Variants in ARID5B observed in about 807,000 individuals in gnomAD.
The protein encoded by ARID5B is AT-rich interaction domain 5B.
A neutral mutation model predicts 97.2 loss-of-function variants in ARID5B; 13 were observed. The ratio of observed to expected loss-of-function variants is 0.13; its 90% CI spans 0.09 to 0.21. ARID5B has a LOEUF of 0.21. Ranked by LOEUF, ARID5B falls within the 10% of genes least tolerant of loss-of-function variation. The pLI is 1.00. For missense variants in ARID5B, 1,210 were observed against 1,465.3 expected, an observed-to-expected ratio of 0.83 and a Z score of 2.84; for synonymous variants, 556 against 570.3, an observed-to-expected ratio of 0.97 and a Z score of 0.36.
chr10:61,915,394 A>G (rs1843883275), intron 2 of ARID5B, among the ~76,000 whole-genome samples: 1 of 152,186 alleles, frequency 6.6e-6, no homozygotes, highest in African/African-American at 2.4e-5. Context: ...TCAGGGGTAC[A>G]TGATTTTGTC....
In ARID5B at chr10:62,036,197, GAAGCCCAGGAACA is replaced by G. The variant is rs1839561982; in HGVS notation, c.734-14687_734-14675del. Among the ~76,000 whole-genome samples the G allele has an allele frequency of 2.6e-5, 4 of 152,280 alleles. No individual in the cohort carries two copies. The South Asian group carries it at 8.3e-4, about 32-fold the overall frequency. ...AAAAGAAAAGGTATCGATGTCAGAG[GAAGCCCAGGAACA>G]AAGGCACACAGGTATAAAGCTGTGT... On this transcript the variant is annotated intron_variant, in intron 4 of 9. Coordinates refer to ENST00000279873, the MANE Select transcript of ARID5B (RefSeq NM_032199.3).
At chr10:61,911,836 G>T (rs923610202) in intron 2 of ARID5B, among the ~76,000 whole-genome samples, 1 of 152,152 alleles carries the variant, frequency 6.6e-6, no homozygotes, top group East Asian at 1.9e-4. Flanking sequence ...CTTAAGGAAG[G>T]TTCTAGGGTT....
chr10:62,088,073 G>A (rs148989466), intron 9 of ARID5B, among the ~76,000 whole-genome samples: 2,448 of 152,122 alleles, frequency 0.016, 29 homozygotes, highest in Non-Finnish European at 0.024. Context: ...CACCATGTTG[G>A]TCAGGCTGGT....
chr10:62,087,868 AT>A (rs199858083), intron 9 of ARID5B, among the ~76,000 whole-genome samples: 476 of 144,532 alleles, frequency 3.3e-3, no homozygotes, highest in African/African-American at 5.1e-3. Context: ...GATGATGCAG[AT>A]TTTTTTTTTT....
intron 7 of ARID5B, among the ~76,000 whole-genome samples, chr10:62,063,433 A>T (rs1196681621): frequency 1.3e-5 from 2 of 152,060 alleles, no homozygotes; most frequent in Non-Finnish European, 2.9e-5. Flanking sequence ...GTGGTTATAA[A>T]CTATTCCAAA....
intron 3 of ARID5B, among the ~76,000 whole-genome samples, chr10:61,955,256 C>T (rs1002882092): frequency 6.6e-6 from 1 of 152,176 alleles, no homozygotes; most frequent in Non-Finnish European, 1.5e-5. Context: ...TCCATACCAA[C>T]ACATGCTTCT....
At chr10:62,075,094 C>G (rs9633556) in intron 8 of ARID5B, among the ~76,000 whole-genome samples, 50,406 of 152,080 alleles carry the variant, frequency 0.33, 9,081 homozygotes, top group Non-Finnish European at 0.41. Context: ...TGGCCACAAA[C>G]TCAGATATTT....
At position 61,913,708 on chromosome 10, in the gene ARID5B, T is replaced by G. The variant is rs554068756; in HGVS notation, c.276+11295T>G. On this transcript the variant is annotated intron_variant, in intron 2 of 9. Transcript: ENST00000279873. ...GACATCACTTTTATAAAACAACTCA[T>G]GGAGAGTATGGACTTTACTGGAATG... Among the ~76,000 whole-genome samples the G allele has an allele frequency of 2.9e-4, 44 of 152,292 alleles. No homozygotes were observed. The South Asian group carries it at 3.7e-3, about 13-fold the overall frequency.
At chr10:61,923,879 A>G (rs956259829) in intron 2 of ARID5B, among the ~76,000 whole-genome samples, 1 of 152,230 alleles carries the variant, frequency 6.6e-6, no homozygotes, top group Non-Finnish European at 1.5e-5. Context: ...CAGAGAGTCA[A>G]TACAAGGTAA....
At chr10:61,928,850 TAGATATCC>T (rs549556646) in intron 2 of ARID5B, among the ~76,000 whole-genome samples, 66 of 152,348 alleles carry the variant, frequency 4.3e-4, no homozygotes, top group African/African-American at 1.6e-3. Context: ...ACTCCCTCTG[TAGATATCC>T]CATTAGCAGA....
chr10:61,955,710 G>A (rs1231874658), intron 3 of ARID5B, among the ~76,000 whole-genome samples: 2 of 152,160 alleles, frequency 1.3e-5, no homozygotes, highest in East Asian at 3.9e-4. Flanking sequence ...GAGTGCAGTG[G>A]CCCAATCTCA....
intron 3 of ARID5B, among the ~76,000 whole-genome samples, chr10:61,954,519 C>T (rs1017310833): frequency 3.7e-4 from 57 of 152,236 alleles, no homozygotes; most frequent in African/African-American, 1.3e-3. Context: ...TAGAAAATTT[C>T]GTGCCAGGAA....
At chr10:61,914,175 A>G (rs1191700741) in intron 2 of ARID5B, among the ~76,000 whole-genome samples, 1 of 152,192 alleles carries the variant, frequency 6.6e-6, no homozygotes, top group Non-Finnish European at 1.5e-5. Flanking sequence ...AGGGCCCTCT[A>G]ATGGGATGCT....
chr10:61,908,668 T>C (rs1843744574), intron 2 of ARID5B, among the ~76,000 whole-genome samples: 2 of 151,390 alleles, frequency 1.3e-5, no homozygotes, highest in African/African-American at 4.9e-5. Context: ...GGCGTGGTGG[T>C]GGGCACCTGT....
chr10:62,090,391 C>T (rs1840352177), intron 9 of ARID5B, among the ~76,000 whole-genome samples: 1 of 152,176 alleles, frequency 6.6e-6, no homozygotes. Flanking sequence ...TTAAGGAAAG[C>T]AGGGAGTTGC....
chr10:61,921,292 G>A (rs766651310), intron 2 of ARID5B, among the ~76,000 whole-genome samples: 3 of 152,194 alleles, frequency 2.0e-5, no homozygotes, highest in African/African-American at 7.2e-5. Flanking sequence ...CTCTTGCTAA[G>A]GGACTCTCAA....
At chr10:62,038,945 T>C (rs74159509) in intron 4 of ARID5B, among the ~76,000 whole-genome samples, 6,712 of 152,308 alleles carry the variant, frequency 0.044, 196 homozygotes, top group African/African-American at 0.087. Flanking sequence ...CCGATTGCCA[T>C]ACATGCAGCC....
chr10:61,930,759 G>A (rs887769788), intron 2 of ARID5B, among the ~76,000 whole-genome samples: 2 of 56,160 alleles, frequency 3.6e-5, no homozygotes, highest in African/African-American at 6.0e-5. Flanking sequence ...ATAAGATACA[G>A]GTTCTCTATG....
intron 2 of ARID5B, among the ~76,000 whole-genome samples, chr10:61,903,333 C>G (rs1439302506): frequency 6.6e-6 from 1 of 152,120 alleles, no homozygotes; most frequent in African/African-American, 2.4e-5. Context: ...GCCGCGCTCC[C>G]GGGAGGACGC....
Sources: gnomAD v4.1 joint callset for allele counts (sites outside exome capture counted in the v4.1 genomes callset) on GRCh38, gnomAD v4.1.1 for gene constraint, MANE v1.5 for transcripts, NCBI Gene and HGNC (gene_info 2026-07-23, HGNC 2026-07-21) for gene names.